Variants in ACSL4 observed in about 807,000 individuals in gnomAD.
ACSL4 encodes the protein acyl-CoA synthetase long chain family member 4, also known as long-chain-fatty-acid--CoA ligase 4.
Under a neutral mutation model 49.1 loss-of-function variants are expected in ACSL4, and 9 were observed. The observed-to-expected ratio is 0.18, with a 90% CI of 0.11 to 0.32. ACSL4 has a LOEUF of 0.32. Among genes scored for constraint, ACSL4 ranks in the 10% least tolerant of loss-of-function variants. The pLI, the probability that ACSL4 is intolerant of heterozygous loss-of-function variation, is 1.00. For missense variants in ACSL4, 333 were observed against 493.7 expected (o/e 0.67, Z 3.08); for synonymous variants, 191 against 170.3 (o/e 1.12, Z -0.95).
At chrX:109,658,771 C>T (rs1328227889) in intron 15 of ACSL4, among the ~76,000 whole-genome samples, 2 of 111,681 alleles carry the variant, frequency 1.8e-5, no homozygotes, top group African/African-American at 3.3e-5. Context: ...TCTGTGGTAC[C>T]ATGATTCTCT....
chrX:109,683,751 GTTGATAGCACAA>G, intron 2 of ACSL4: 1 of 307,889 alleles, frequency 3.2e-6, no homozygotes, highest in East Asian at 5.5e-5. Flanking sequence ...ATATTAACAA[GTTGATAGCACAA>G]TTGATTTAAA....
rs546191351 is a variant in ACSL4, at chrX:109,677,899, A to T, written c.930+89T>A. The T allele has an allele frequency of 4.7e-5, 54 of 1,148,960 alleles. No homozygotes were observed. In the African/African-American group the frequency reaches 8.4e-4, roughly 18 times the overall value. The allele number at this position is 1,148,960 out of a possible 1,213,427, so 94.7% of individuals were successfully genotyped here. A position where few individuals can be genotyped will look rare whatever the true frequency, so the allele number is the denominator to read the frequency against. ...GAGGTCAAGGAGAAAGCTTTAGCTG[A>T]ATTAAAATATCTCGAGTCCTAGTAA... On this transcript the variant is annotated intron_variant, in intron 8 of 15. Coordinates refer to ENST00000672401, the MANE Select transcript of ACSL4 (RefSeq NM_001318510.2).
chrX:109,663,786 T>C (rs1159820038), intron 12 of ACSL4, among the ~76,000 whole-genome samples: 1 of 111,196 alleles, frequency 9.0e-6, no homozygotes, highest in Non-Finnish European at 1.9e-5. Flanking sequence ...AAATTTTTTC[T>C]AAGGAGGTTT....
In ACSL4 at chrX:109,695,214, G is replaced by A. The variant is rs929879002; in HGVS notation, c.-13+930C>T. On this transcript the variant is annotated intron_variant, in intron 2 of 15. Transcript: ENST00000672401. The stretch of plus-strand genomic sequence containing the variant: ...ACAAAAGTTAGCCAGGCGCCATGGC[G>A]GGCACCTATAATCCCAGCTATTCAG... 8.3e-5 allele frequency among the ~76,000 whole-genome samples: 9 copies of A among 108,747 alleles called. 1 individual carries two copies. The highest frequency in any genetic ancestry group is 3.9e-4 in the Admixed American group (4 of 10,216). The allele number at this position is 108,747 out of a possible 115,157, so 94.4% of individuals were successfully genotyped here.
chrX:109,658,590 A>G (rs754690389), intron 15 of ACSL4, among the ~76,000 whole-genome samples: 1 of 112,117 alleles, frequency 8.9e-6, no homozygotes, highest in East Asian at 2.8e-4. Flanking sequence ...TACCGGTAAC[A>G]CCAGACTCCC....
At chrX:109,646,651 G>A (rs1216768537) in intron 15 of ACSL4, among the ~76,000 whole-genome samples, 1 of 109,343 alleles carries the variant, frequency 9.1e-6, no homozygotes, top group Non-Finnish European at 1.9e-5. Flanking sequence ...ATAATGACAG[G>A]ATCAAATTCA....
intron 8 of ACSL4, among the ~76,000 whole-genome samples, chrX:109,674,678 T>G (rs759409319): frequency 1.6e-4 from 18 of 112,255 alleles, no homozygotes; most frequent in Non-Finnish European, 2.6e-4. Context: ...ACATTTCACC[T>G]TCCTTAGAGG....
chrX:109,679,377 C>G lies in ACSL4; in HGVS notation c.656-962G>C, dbSNP rs189490162. ...ACATATATATCATCAGAATGAAATA[C>G]AAGTTTAACAGGATTATCACATTTA... is the stretch of plus-strand genomic sequence containing the variant. On this transcript the variant is annotated intron_variant, in intron 6 of 15. Coordinates refer to ENST00000672401, the MANE Select transcript of ACSL4 (RefSeq NM_001318510.2). Among the ~76,000 whole-genome samples, 188 of 112,210 alleles carry G rather than the reference C, an allele frequency of 1.7e-3. 1 individual carries two copies. Among genetic ancestry groups the G allele is most frequent in the African/African-American group, 5.6e-3 (174 of 30,904 alleles).
At chrX:109,652,641 T>C (rs1400261168) in intron 15 of ACSL4, among the ~76,000 whole-genome samples, 1 of 111,532 alleles carries the variant, frequency 9.0e-6, no homozygotes, top group Non-Finnish European at 1.9e-5. Flanking sequence ...ATATTTGAAA[T>C]GCTATACTTA....
Position 109,699,972 on chromosome X carries a change from C to T in ACSL4, c.-65-3776G>A, listed in dbSNP as rs202136820. On this transcript the variant is annotated intron_variant, in intron 1 of 15. Transcript: ENST00000672401. Reference sequence around the variant, plus strand: ...GTGGCTCACGCCTGTAATCCCAGCACTATCGGAGGCTGAGGGGGGCAGATC... The same window carrying T: ...GTGGCTCACGCCTGTAATCCCAGCATTATCGGAGGCTGAGGGGGGCAGATC... Among the ~76,000 whole-genome samples the T allele has an allele frequency of 2.7e-5, 3 of 109,679 alleles. No individual in the cohort carries two copies. In the East Asian group the frequency reaches 8.6e-4, roughly 31 times the overall value.
At chrX:109,645,005 TG>T (rs1163632367) in intron 15 of ACSL4, among the ~76,000 whole-genome samples, 1 of 113,125 alleles carries the variant, frequency 8.8e-6, no homozygotes, top group African/African-American at 3.2e-5. Flanking sequence ...AGCCCGCACC[TG>T]GCTCGGAGGG....
chrX:109,689,420 T>C (rs1924866104), intron 2 of ACSL4, among the ~76,000 whole-genome samples: 1 of 111,926 alleles, frequency 8.9e-6, no homozygotes, highest in African/African-American at 3.3e-5. Context: ...CTCAAAATCT[T>C]TCAAAGAATT....
At chrX:109,716,770 CTT>C (rs1323606664) in intron 1 of ACSL4, among the ~76,000 whole-genome samples, 2 of 111,871 alleles carry the variant, frequency 1.8e-5, no homozygotes, top group Non-Finnish European at 3.8e-5. Context: ...GAGCAGGAGT[CTT>C]TTTTCCCATC....
chrX:109,698,216 G>A (rs986287075), intron 1 of ACSL4, among the ~76,000 whole-genome samples: 2 of 111,576 alleles, frequency 1.8e-5, no homozygotes, highest in African/African-American at 3.3e-5. Context: ...ACAAAAAAAT[G>A]AAAGTAGCAG....
chrX:109,650,847 A>G (rs922402453), intron 15 of ACSL4, among the ~76,000 whole-genome samples: 3 of 111,904 alleles, frequency 2.7e-5, no homozygotes, highest in African/African-American at 9.7e-5. Flanking sequence ...TTTCACTGCC[A>G]TCCATAGGGT....
At chrX:109,663,440 A>G (rs1922343836) in intron 12 of ACSL4, 38 bp from the exon 13 acceptor site, 2 of 1,125,626 alleles carry the variant, frequency 1.8e-6, no homozygotes, top group African/African-American at 3.6e-5. Context: ...TTGTTCTACA[A>G]CAAATTTCAT....
intron 1 of ACSL4, among the ~76,000 whole-genome samples, chrX:109,724,140 T>C (rs1342840875): frequency 8.9e-6 from 1 of 112,364 alleles, no homozygotes; most frequent in Non-Finnish European, 1.9e-5. Context: ...TTTAAAAGGT[T>C]AATTTCAGGT....
At chrX:109,721,729 CAA>C (rs1432885740) in intron 1 of ACSL4, among the ~76,000 whole-genome samples, 1 of 89,130 alleles carries the variant, frequency 1.1e-5, no homozygotes. Context: ...AAGACTCCGT[CAA>C]AAAAAAAAAC....
chrX:109,695,071 G>A (rs1207972187), intron 2 of ACSL4, among the ~76,000 whole-genome samples: 1 of 111,653 alleles, frequency 9.0e-6, no homozygotes, highest in Non-Finnish European at 1.9e-5. Flanking sequence ...CTTCAGGCTG[G>A]TATGGTGGCT....
Sources: gnomAD v4.1 joint callset for allele counts (sites outside exome capture counted in the v4.1 genomes callset) on GRCh38, gnomAD v4.1.1 for gene constraint, MANE v1.5 for transcripts, NCBI Gene and HGNC (gene_info 2026-07-23, HGNC 2026-07-21) for gene names.